Variants in TEPSIN observed in about 807,000 individuals in gnomAD.
The protein encoded by TEPSIN is TEPSIN adaptor related protein complex 4 accessory protein.
Under a neutral mutation model 48.5 loss-of-function variants are expected in TEPSIN, and 50 were observed. That is an observed-to-expected ratio of 1.03 (90% CI 0.82 to 1.31). The LOEUF is 1.31. Ranked by LOEUF, TEPSIN falls within the 50% of genes most tolerant of loss-of-function variation. The pLI is 0.00. For synonymous variants in TEPSIN, 392 were observed against 358.8 expected, an observed-to-expected ratio of 1.09 and a Z score of -1.05; for missense variants, 838 against 815.9, an observed-to-expected ratio of 1.03 and a Z score of -0.33.
chr17:81,230,652 C>T lies in TEPSIN; in HGVS notation c.1125G>A (p.Leu375=). ...QLRALCAIAS[L]GSSDLLPQEH... is the part of the protein sequence containing the mutation. Reference sequence around the variant, plus strand: ...CCTGGGGGAGGAGGTCGCTGCTCCCCAGGGAGGCGATGGCACACAGCGCCC... The same window carrying T: ...CCTGGGGGAGGAGGTCGCTGCTCCCTAGGGAGGCGATGGCACACAGCGCCC... Residue 375 remains leucine (L), a synonymous_variant, in exon 12 of 13, where the codon CTG becomes CTA. Coordinates refer to ENST00000637944, the MANE Select transcript of TEPSIN (RefSeq NM_001363764.2). This position sits in a 1 kb window ranked among gnomAD's most constrained non-coding sequence, Gnocchi z 4.2. 6.3e-7 allele frequency: 1 copy of T among 1,578,538 alleles called. No homozygotes were observed.
intron 12 of TEPSIN, chr17:81,229,972 T>G: frequency 5.9e-6 from 1 of 170,158 alleles, no homozygotes. Context: ...GACTTGGGGA[T>G]GGGTGACTGA....
chr17:81,229,372 C>T lies in TEPSIN; in HGVS notation c.1338G>A (p.Leu446=). ...TCCCAGGGAGAGGCACAGCGTCGGT[C>T]AGCAGGTCAGATGGGCCTGGGAGGG... ...TAALPGPSDL[L]TDAVPLPGSQ... is the part of the protein sequence containing the mutation. The change falls in exon 13 of 13, where the codon CTG becomes CTA. Residue 446 remains leucine, a synonymous_variant. Coordinates refer to ENST00000637944, the MANE Select transcript of TEPSIN (RefSeq NM_001363764.2). The T allele has an allele frequency of 6.4e-7, 1 of 1,557,570 alleles. No homozygotes were observed. Among genetic ancestry groups the T allele is most frequent in the Non-Finnish European group, 8.7e-7 (1 of 1,151,338 alleles).
intron 2 of TEPSIN, 84 bp downstream of exon 2, chr17:81,237,303 G>T: frequency 6.8e-7 from 1 of 1,460,730 alleles, no homozygotes. Flanking sequence ...CCTAGGGACA[G>T]CAGAATCCCC....
At chr17:81,231,813 G>C in intron 9 of TEPSIN, 34 bp downstream of exon 9, 2 of 1,610,214 alleles carry the variant, frequency 1.2e-6, no homozygotes, top group Non-Finnish European at 1.7e-6. Context: ...GTGCCTCCGA[G>C]ACCTCTCCCA....
At chr17:81,238,366 CA>C in intron 1 of TEPSIN, 1 of 287,396 alleles carries the variant, frequency 3.5e-6, no homozygotes, top group Non-Finnish European at 5.2e-6. Context: ...TCTGGCAGCC[CA>C]AGGTCGCGCC....
intron 9 of TEPSIN, 37 bp from the exon 10 acceptor site, chr17:81,231,728 G>A: frequency 6.2e-7 from 1 of 1,609,438 alleles, no homozygotes; most frequent in Non-Finnish European, 8.5e-7. Flanking sequence ...GGTGAGTGGA[G>A]GCCATGCCCC....
chr17:81,229,564 A>G, intron 12 of TEPSIN, 88 bp from the exon 13 acceptor site: 1 of 1,415,820 alleles, frequency 7.1e-7, no homozygotes, highest in South Asian at 1.3e-5. Context: ...GGACCTCCTC[A>G]GTCCCTCCAC....
Position 81,239,025 on chromosome 17 carries a change from G to T in TEPSIN, c.9C>A (p.Ala3=), listed in dbSNP as rs376385073. The T allele has an allele frequency of 1.3e-6, 2 of 1,491,978 alleles. No homozygotes were observed. The highest frequency in any genetic ancestry group is 1.8e-6 in the Non-Finnish European group (2 of 1,125,856). The allele number at this position is 1,491,978 out of a possible 1,614,324, so 92.4% of individuals were successfully genotyped here. A position where few individuals can be genotyped will look rare whatever the true frequency, so the allele number is the denominator to read the frequency against. Residue 3 remains alanine (A), a synonymous_variant, in exon 1 of 13, where the codon GCC becomes GCA. Coordinates refer to ENST00000637944, the MANE Select transcript of TEPSIN (RefSeq NM_001363764.2). The stretch of plus-strand genomic sequence containing the variant: ...TCAGGCGGTCCCGTAGCGGCGGCGC[G>T]GCAGCCATGATCCAGGTCCCCTCCC... MA[A]APPLRDRLSF...
chr17:81,232,558 C>G lies in TEPSIN; in HGVS notation c.527-40G>C, dbSNP rs954496476. On this transcript the variant is annotated intron_variant, in intron 7 of 12. Transcript: ENST00000637944. ...AGGGAGATGGGACGGCCGCCCAGTG[C>G]GGCCCCCACCCGCGTTCTCTGGGAG... The G allele has an allele frequency of 5.3e-6, 8 of 1,501,472 alleles. No homozygotes were observed. In the East Asian group the frequency reaches 7.5e-5, roughly 14 times the overall value. The allele number at this position is 1,501,472 out of a possible 1,614,324, so 93.0% of individuals were successfully genotyped here.
In TEPSIN at chr17:81,229,312, C is replaced by G; in HGVS notation, c.1398G>C (p.Pro466=). 6.4e-7 allele frequency: 1 copy of G among 1,569,602 alleles called. No homozygotes were observed. Among genetic ancestry groups the G allele is most frequent in the Non-Finnish European group, 8.6e-7 (1 of 1,157,428 alleles). Residue 466 remains proline (P), a synonymous_variant, in exon 13 of 13, where the codon CCG becomes CCC. Coordinates refer to ENST00000637944, the MANE Select transcript of TEPSIN (RefSeq NM_001363764.2). ...AGGGAGCAGGGCTCCGGGACGAGAC[C>G]GGGGTTGAACTCAGAGGCTGCAGGA... ...QVFLQPLSST[P]VSSRSPAPSS...
In TEPSIN at chr17:81,236,963, A is replaced by C; in HGVS notation, c.213+17T>G. On this transcript the variant is annotated intron_variant, in intron 3 of 12. Transcript: ENST00000637944. The stretch of plus-strand genomic sequence containing the variant: ...GGCCGGGCCTCAGGCCTGACCCTTG[A>C]CCACCCAGGGGCTCACCTTGAGCTT... 1 of 1,561,262 alleles carries C rather than the reference A, an allele frequency of 6.4e-7. No homozygotes were observed. Among genetic ancestry groups the C allele is most frequent in the Non-Finnish European group, 8.7e-7 (1 of 1,151,722 alleles).
chr17:81,231,394 T>C lies in TEPSIN; in HGVS notation c.1098+4A>G. On this transcript the variant is annotated splice_donor_region_variant and intron_variant, in intron 11 of 12. Coordinates refer to ENST00000637944, the MANE Select transcript of TEPSIN (RefSeq NM_001363764.2). ...ACGCCCTCCCGCCCGCGTGTGCAGC[T>C]CACCAGCTGCGTGCATTCACTGGTC... is the stretch of plus-strand genomic sequence containing the variant. 2 of 1,545,330 alleles carry C rather than the reference T, an allele frequency of 1.3e-6. No individual in the cohort carries two copies. Among genetic ancestry groups the C allele is most frequent in the South Asian group, 2.4e-5 (2 of 83,168 alleles).
Position 81,228,874 on chromosome 17 carries a change from C to T in TEPSIN, c.*54G>A. ...TACGGTTGAGGCTGCTCAGGAAGCA[C>T]AGACCGCCCCAGACAGCAGCTGAAG... On this transcript the variant is annotated 3_prime_UTR_variant, in exon 13 of 13. Transcript: ENST00000637944. The T allele has an allele frequency of 6.2e-7, 1 of 1,601,784 alleles. No homozygotes were observed. The highest frequency in any genetic ancestry group is 8.5e-7 in the Non-Finnish European group (1 of 1,175,166).
chr17:81,229,170 G>C lies in TEPSIN; in HGVS notation c.1540C>G (p.Pro514Ala). 6.2e-7 allele frequency: 1 copy of C among 1,610,838 alleles called. No homozygotes were observed. Among genetic ancestry groups the C allele is most frequent in the Non-Finnish European group, 8.5e-7 (1 of 1,179,486 alleles). ...ARLAESRRWR[P>A]ERIPGGTDSP... Reference sequence around the variant, plus strand: ...TCCGTGCCCCCTGGGATCCGTTCAGGTCTCCACCGCCTGCTTTCTGCCAGT... The same window carrying C: ...TCCGTGCCCCCTGGGATCCGTTCAGCTCTCCACCGCCTGCTTTCTGCCAGT... The change falls in exon 13 of 13, where the codon CCT becomes GCT. Residue 514 changes from proline (P) to alanine (A), a missense_variant. Pro to Ala is a conservative substitution (Grantham distance 27). Coordinates refer to ENST00000637944, the MANE Select transcript of TEPSIN (RefSeq NM_001363764.2).
At position 81,233,432 on chromosome 17, in the gene TEPSIN, C is replaced by T. The variant is rs1396034877; in HGVS notation, c.526G>A (p.Gly176Ser). 1.2e-6 allele frequency: 2 copies of T among 1,610,570 alleles called. No individual in the cohort carries two copies. Among genetic ancestry groups the T allele is most frequent in the South Asian group, 2.2e-5 (2 of 90,784 alleles). ...GCCCATGCAGGCCCTCCCCACTCAC[C>T]CGTGCGGCCGTGTTCCTTGCTGTAG... Reference protein sequence around the residue: ...FGYSKEHGRTGSAGEAFLSTI... With the variant: ...FGYSKEHGRTSSAGEAFLSTI... Residue 176 changes from glycine (G) to serine (S), a missense_variant and splice_region_variant, in exon 7 of 13, where the codon GGC (glycine) becomes AGC (serine). Coordinates refer to ENST00000637944, the MANE Select transcript of TEPSIN (RefSeq NM_001363764.2). This position sits in a 1 kb window ranked among gnomAD's most constrained non-coding sequence, Gnocchi z 5.8.
intron 9 of TEPSIN, 48 bp downstream of exon 9, chr17:81,231,799 T>C (rs1325500666): frequency 2.5e-6 from 4 of 1,607,892 alleles, no homozygotes; most frequent in Non-Finnish European, 2.5e-6. Context: ...AGGGGGACAG[T>C]GTGGTGCCTC....
At position 81,230,818 on chromosome 17, in the gene TEPSIN, C is replaced by G. The variant is rs1329424699; in HGVS notation, c.1099-140G>C. 2.7e-6 allele frequency: 3 copies of G among 1,097,498 alleles called. No homozygotes were observed. The highest frequency in any genetic ancestry group is 1.7e-5 in the South Asian group (1 of 59,050). 68.0% of individuals were successfully genotyped at this position (1,097,498 alleles called of 1,614,324 possible). A position where few individuals can be genotyped will look rare whatever the true frequency, so the allele number is the denominator to read the frequency against. On this transcript the variant is annotated intron_variant, in intron 11 of 12. Coordinates refer to ENST00000637944, the MANE Select transcript of TEPSIN (RefSeq NM_001363764.2). The surrounding 1 kb of genome is among the most constrained non-coding windows in gnomAD (Gnocchi z 4.2). ...GGAGGCCCCAGAGACAGCTCCACCA[C>G]AGCCCTGTCCTCACCGCCTTACACC...
In TEPSIN at chr17:81,230,466, G is replaced by A. The variant is rs1303532668; in HGVS notation, c.1233+78C>T. The A allele has an allele frequency of 7.1e-6, 11 of 1,558,998 alleles. No homozygotes were observed. The highest frequency in any genetic ancestry group is 4.1e-5 in the African/African-American group (3 of 73,362). ...GGCTGACCAGGCGCCGGGCAGGGAC[G>A]GGGTGGCCGTGGACTGCAGCGTATC... On this transcript the variant is annotated intron_variant, in intron 12 of 12. Transcript: ENST00000637944. The surrounding 1 kb of genome is among the most constrained non-coding windows in gnomAD (Gnocchi z 4.2).
In TEPSIN at chr17:81,236,702, C is replaced by T; in HGVS notation, c.307+6G>A. 6 of 1,557,360 alleles carry T rather than the reference C, an allele frequency of 3.9e-6. No homozygotes were observed. Among genetic ancestry groups the T allele is most frequent in the Non-Finnish European group, 4.3e-6 (5 of 1,151,024 alleles). The stretch of plus-strand genomic sequence containing the variant: ...CTCTTCCTGAGCGCGTGCGCGGCCC[C>T]TGTACCTGCAGCTTCCTGGATGAAG... On this transcript the variant is annotated splice_donor_region_variant and intron_variant, in intron 4 of 12. Transcript: ENST00000637944.
Sources: gnomAD v4.1 joint callset for allele counts on GRCh38, gnomAD v4.1.1 for gene constraint, Gnocchi (gnomAD v3.1) non-coding constraint, MANE v1.5 for transcripts, NCBI Gene and HGNC (gene_info 2026-07-23, HGNC 2026-07-21) for gene names.